GPATCH2: variants seen among roughly 807,000 people sequenced by gnomAD.
GPATCH2 encodes the protein G-patch domain containing 2, also known as G patch domain-containing protein 2.
Under a neutral mutation model 58.0 loss-of-function variants are expected in GPATCH2, and 51 were observed. The observed-to-expected ratio is 0.88, with a 90% CI of 0.70 to 1.11. GPATCH2 has a LOEUF of 1.11. Among genes scored for constraint, GPATCH2 ranks in the 50% most tolerant of loss-of-function variants. The pLI, the probability that GPATCH2 is intolerant of heterozygous loss-of-function variation, is 0.00. For missense variants in GPATCH2, 625 were observed against 652.2 expected (o/e 0.96, Z 0.45); for synonymous variants, 222 against 218.5 (o/e 1.02, Z -0.14).
chr1:217,576,640 A>G (rs1044332833), intron 5 of GPATCH2, among the ~76,000 whole-genome samples: 1 of 152,206 alleles, frequency 6.6e-6, no homozygotes, highest in Non-Finnish European at 1.5e-5. Context: ...TACAAGTGAA[A>G]AAGATTGCTA....
chr1:217,493,565 T>C (rs1375512149), intron 7 of GPATCH2, among the ~76,000 whole-genome samples: 1 of 152,130 alleles, frequency 6.6e-6, no homozygotes, highest in Non-Finnish European at 1.5e-5. Flanking sequence ...TGAGATCTGG[T>C]ATCTGATATG....
chr1:217,518,173 A>G (rs750843112), intron 5 of GPATCH2, among the ~76,000 whole-genome samples: 1 of 152,176 alleles, frequency 6.6e-6, no homozygotes, highest in Non-Finnish European at 1.5e-5. Context: ...TCTAGATAAC[A>G]TAACTTTTGT....
intron 5 of GPATCH2, among the ~76,000 whole-genome samples, chr1:217,526,000 T>C (rs1455647046): frequency 6.6e-6 from 1 of 152,184 alleles, no homozygotes; most frequent in Non-Finnish European, 1.5e-5. Flanking sequence ...TGTCATATCA[T>C]CCATTGTGCA....
At chr1:217,611,288 G>A (rs1668612760) in intron 3 of GPATCH2, among the ~76,000 whole-genome samples, 1 of 152,052 alleles carries the variant, frequency 6.6e-6, no homozygotes, top group Non-Finnish European at 1.5e-5. Flanking sequence ...AAAAAATTAT[G>A]TGTTATTTAC....
intron 9 of GPATCH2, 101 bp downstream of exon 9, chr1:217,449,148 C>T: frequency 1.4e-6 from 1 of 727,956 alleles, no homozygotes; most frequent in East Asian, 2.5e-5. Flanking sequence ...TGCAACTGTG[C>T]TTCTTCTTCA....
chr1:217,542,324 C>G (rs929224796), intron 5 of GPATCH2, among the ~76,000 whole-genome samples: 2 of 152,202 alleles, frequency 1.3e-5, no homozygotes, highest in Non-Finnish European at 2.9e-5. Flanking sequence ...ACACAGTCTC[C>G]GATTCCCTGG....
chr1:217,586,759 C>T (rs1011872465), intron 5 of GPATCH2, among the ~76,000 whole-genome samples: 3 of 152,146 alleles, frequency 2.0e-5, no homozygotes, highest in African/African-American at 7.2e-5. Context: ...AGAATCACCA[C>T]AAACATGTGA....
chr1:217,499,661 C>G (rs1662199401), intron 6 of GPATCH2, among the ~76,000 whole-genome samples: 1 of 151,438 alleles, frequency 6.6e-6, no homozygotes, highest in African/African-American at 2.4e-5. Flanking sequence ...GATTAATTAC[C>G]AAATTAATTA....
intron 5 of GPATCH2, among the ~76,000 whole-genome samples, chr1:217,525,552 T>C (rs529370121): frequency 9.8e-5 from 15 of 152,286 alleles, no homozygotes; most frequent in South Asian, 4.1e-4. Context: ...CCCACATACA[T>C]AGAAAATAAA....
intron 6 of GPATCH2, among the ~76,000 whole-genome samples, chr1:217,502,766 C>T (rs1315827028): frequency 6.6e-6 from 1 of 152,050 alleles, no homozygotes; most frequent in African/African-American, 2.4e-5. Flanking sequence ...ATGGTGGAAA[C>T]TTACAGGTTT....
At chr1:217,499,044 C>A (rs891764714) in intron 6 of GPATCH2, among the ~76,000 whole-genome samples, 1 of 152,064 alleles carries the variant, frequency 6.6e-6, no homozygotes, top group Non-Finnish European at 1.5e-5. Flanking sequence ...CTCTTAATAC[C>A]GATGTATCTG....
In GPATCH2 at chr1:217,449,353, A is replaced by G. The variant is rs1659550637; in HGVS notation, c.1278-16T>C. The stretch of plus-strand genomic sequence containing the variant: ...GCTTGTTTGCCTACGAATAATTATC[A>G]GAAAAAACTATTAACAAAGAAGAAA... On this transcript the variant is annotated splice_polypyrimidine_tract_variant and intron_variant, in intron 8 of 9. Transcript: ENST00000366935. 2 of 1,438,802 alleles carry G rather than the reference A, an allele frequency of 1.4e-6. No individual in the cohort carries two copies. Among genetic ancestry groups the G allele is most frequent in the Non-Finnish European group, 9.8e-7 (1 of 1,020,622 alleles). The allele number at this position is 1,438,802 out of a possible 1,614,324, so 89.1% of individuals were successfully genotyped here.
At chr1:217,491,488 G>C (rs959785864) in intron 8 of GPATCH2, 192 bp downstream of exon 8, 1 of 267,388 alleles carries the variant, frequency 3.7e-6, no homozygotes, top group African/African-American at 2.2e-5. Context: ...TTTTTTACAA[G>C]TTTAAAAAAT....
At chr1:217,569,642 C>T (rs546882223) in intron 5 of GPATCH2, among the ~76,000 whole-genome samples, 13 of 152,172 alleles carry the variant, frequency 8.5e-5, no homozygotes, top group African/African-American at 2.4e-4. Context: ...TTGCAGTGAG[C>T]GAAGACTGCA....
Position 217,611,021 on chromosome 1 carries a change from A to G in GPATCH2, c.886T>C (p.Cys296Arg). ...CAGGGCACAACTCCAGTGATACCAC[A>G]TGCTCCACCTGATTCCTTTTCGTAG... is the stretch of plus-strand genomic sequence containing the variant. ...WFYEKESGGA[C>R]GITGVVPWWE... The change falls in exon 4 of 10, where the codon TGT (cysteine) becomes CGT (arginine). Residue 296 changes from cysteine (C) to arginine (R), a missense_variant. Coordinates refer to ENST00000366935, the MANE Select transcript of GPATCH2 (RefSeq NM_018040.5). The G allele has an allele frequency of 2.5e-6, 4 of 1,613,656 alleles. 1 individual carries two copies. In the South Asian group the frequency reaches 4.4e-5, roughly 18 times the overall value.
intron 5 of GPATCH2, among the ~76,000 whole-genome samples, chr1:217,569,630 G>A (rs528744331): frequency 5.9e-5 from 9 of 152,330 alleles, no homozygotes; most frequent in Middle Eastern, 3.4e-3. Flanking sequence ...GGGAGATGGA[G>A]GTTGCAGTGA....
intron 5 of GPATCH2, among the ~76,000 whole-genome samples, chr1:217,538,759 T>C (rs1270155791): frequency 6.6e-6 from 1 of 152,180 alleles, no homozygotes; most frequent in Admixed American, 6.5e-5. Context: ...TTTAAATATA[T>C]ACACCAATAG....
At chr1:217,505,145 T>TCA (rs1450262566) in intron 6 of GPATCH2, among the ~76,000 whole-genome samples, 1 of 152,202 alleles carries the variant, frequency 6.6e-6, no homozygotes, top group Non-Finnish European at 1.5e-5. Context: ...TTGCCTGTCC[T>TCA]CACAATTCAT....
intron 5 of GPATCH2, among the ~76,000 whole-genome samples, chr1:217,561,975 CTCTCTTCAA>C: frequency 6.6e-6 from 1 of 152,258 alleles, no homozygotes; most frequent in East Asian, 1.9e-4. Context: ...GGAAGAATAT[CTCTCTTCAA>C]TCAGGCATGC....
Sources: gnomAD v4.1 joint callset for allele counts (sites outside exome capture counted in the v4.1 genomes callset) on GRCh38, gnomAD v4.1.1 for gene constraint, MANE v1.5 for transcripts, NCBI Gene and HGNC (gene_info 2026-07-23, HGNC 2026-07-21) for gene names.